SPATA22: variants seen among roughly 807,000 people sequenced by gnomAD.
SPATA22 encodes spermatogenesis associated 22.
In SPATA22, 29 loss-of-function variants were observed where a neutral mutation model predicts 47.8. That is an observed-to-expected ratio of 0.61 (90% CI 0.45 to 0.83). The LOEUF (loss-of-function observed/expected upper bound fraction) is 0.83, where lower values mean the gene tolerates loss of function less well. SPATA22 is among the 40% of genes least tolerant of loss of function. SPATA22 has a pLI of 0.00. For missense variants in SPATA22, 410 were observed against 421.7 expected, an observed-to-expected ratio of 0.97 and a Z score of 0.24; for synonymous variants, 133 against 140.9, an observed-to-expected ratio of 0.94 and a Z score of 0.40.
At chr17:3,450,102 C>T (rs957982192) in intron 5 of SPATA22, among the ~76,000 whole-genome samples, 4 of 152,158 alleles carry the variant, frequency 2.6e-5, no homozygotes, top group Non-Finnish European at 5.9e-5. Context: ...GATCCACCTC[C>T]TTGGCCTCCC....
chr17:3,462,411 G>A lies in SPATA22; in HGVS notation c.329+72C>T, dbSNP rs952196001. The stretch of plus-strand genomic sequence containing the variant: ...TCTGAGAAACAACGAAGTGAAGGAG[G>A]AGGGAAGAATGAAGAGGAAGACAGG... On this transcript the variant is annotated intron_variant, in intron 5 of 8. Transcript: ENST00000572969. 5 of 1,016,922 alleles carry A rather than the reference G, an allele frequency of 4.9e-6. No individual in the cohort carries two copies. The East Asian group carries it at 9.7e-5, about 20-fold the overall frequency. The allele number at this position is 1,016,922 out of a possible 1,614,324, so 63.0% of individuals were successfully genotyped here. A position where few individuals can be genotyped will look rare whatever the true frequency, so the allele number is the denominator to read the frequency against.
chr17:3,471,918 G>A (rs905087548), upstream of SPATA22: 7 of 955,830 alleles, frequency 7.3e-6, no homozygotes, highest in African/African-American at 1.1e-4. Flanking sequence ...GGCCGGGCGC[G>A]ATGACGTTAA....
At chr17:3,442,983 C>T (rs2072630602) in intron 8 of SPATA22, among the ~76,000 whole-genome samples, 191 bp downstream of exon 8, 1 of 151,916 alleles carries the variant, frequency 6.6e-6, no homozygotes, top group Admixed American at 6.6e-5. Flanking sequence ...TTATATCCCT[C>T]AAACCCAGCA....
At chr17:3,495,114 G>T (rs564941954) in intron 1 of SPATA22, among the ~76,000 whole-genome samples, 2 of 152,164 alleles carry the variant, frequency 1.3e-5, no homozygotes, top group East Asian at 3.9e-4. Flanking sequence ...GCTCTTGAGA[G>T]AATGTAGGAG....
At position 3,469,393 on chromosome 17, in the gene SPATA22, C is replaced by T; in HGVS notation, c.-68G>A. 1 of 1,236,920 alleles carries T rather than the reference C, an allele frequency of 8.1e-7. No homozygotes were observed. Among genetic ancestry groups the T allele is most frequent in the Non-Finnish European group, 1.1e-6 (1 of 886,520 alleles). 76.6% of individuals were successfully genotyped at this position (1,236,920 alleles called of 1,614,324 possible). A position where few individuals can be genotyped will look rare whatever the true frequency, so the allele number is the denominator to read the frequency against. ...AAATTTATAATATGACATTGTCCCACTAGACCTGCAAAGAAAGAAACTTAT... is the reference window on the plus strand; with the variant it reads ...AAATTTATAATATGACATTGTCCCATTAGACCTGCAAAGAAAGAAACTTAT... On this transcript the variant is annotated 5_prime_UTR_variant, in exon 2 of 9. The change creates a new upstream start codon in the 5' untranslated region. Coordinates refer to ENST00000572969, the MANE Select transcript of SPATA22 (RefSeq NM_001170698.2).
chr17:3,466,240 G>T (rs1333727438), intron 3 of SPATA22, among the ~76,000 whole-genome samples: 1 of 150,452 alleles, frequency 6.6e-6, no homozygotes, highest in African/African-American at 2.5e-5. Flanking sequence ...AGCTATATAA[G>T]ATCCTATTAA....
At chr17:3,494,312 T>C (rs1464279368) in intron 1 of SPATA22, 1 of 1,505,776 alleles carries the variant, frequency 6.6e-7, no homozygotes. Flanking sequence ...CCCAGAGATG[T>C]TTTTAGTTGC....
chr17:3,465,214 C>A (rs2073268812), intron 3 of SPATA22, among the ~76,000 whole-genome samples: 2 of 123,758 alleles, frequency 1.6e-5, no homozygotes, highest in African/African-American at 6.0e-5. Context: ...GGCGCCTCTG[C>A]CCGGCCGCCC....
At chr17:3,465,155 G>C (rs1171410052) in intron 3 of SPATA22, among the ~76,000 whole-genome samples, 1 of 75,692 alleles carries the variant, frequency 1.3e-5, no homozygotes, top group African/African-American at 4.9e-5. Flanking sequence ...GGAGGGAGGT[G>C]GGGGGGTCAG....
At chr17:3,459,935 A>T (rs2073088763) in intron 5 of SPATA22, among the ~76,000 whole-genome samples, 1 of 152,148 alleles carries the variant, frequency 6.6e-6, no homozygotes, top group African/African-American at 2.4e-5. Context: ...TGAATTACTG[A>T]CTTAAGTTAT....
At chr17:3,469,506 G>T (rs9895581) in intron 1 of SPATA22, 108 bp from the exon 2 acceptor site, 1 of 545,970 alleles carries the variant, frequency 1.8e-6, no homozygotes, top group Non-Finnish European at 3.2e-6. Flanking sequence ...ACCTGATCAC[G>T]TAAACACTTT....
chr17:3,501,589 G>A (rs1359708450), intron 1 of SPATA22: 2 of 163,238 alleles, frequency 1.2e-5, no homozygotes, highest in Admixed American at 6.4e-5. Context: ...AATGACAAAG[G>A]ATTTAGAATA....
chr17:3,512,021 AG>A (rs1380066940), intron 1 of SPATA22: 1 of 152,202 alleles, frequency 6.6e-6, no homozygotes, highest in Non-Finnish European at 1.5e-5. Flanking sequence ...CCAGGCTAAA[AG>A]GGACCTTAAA....
intron 1 of SPATA22, chr17:3,483,638 G>C: frequency 2.0e-6 from 3 of 1,497,344 alleles, no homozygotes; most frequent in Non-Finnish European, 2.8e-6. Context: ...ATATGTCCTA[G>C]CTGAAACTCA....
chr17:3,503,982 G>A (rs753127208), intron 1 of SPATA22, among the ~76,000 whole-genome samples: 2 of 151,690 alleles, frequency 1.3e-5, no homozygotes, highest in Middle Eastern at 3.4e-3. Flanking sequence ...CTCCCTCCCC[G>A]ACGCCTCCCT....
intron 5 of SPATA22, among the ~76,000 whole-genome samples, chr17:3,449,368 C>T (rs1393552058): frequency 6.6e-6 from 1 of 152,058 alleles, no homozygotes; most frequent in Non-Finnish European, 1.5e-5. Context: ...TTAACTTGTC[C>T]AAAGTCATAC....
At position 3,459,401 on chromosome 17, in the gene SPATA22, T is replaced by TC. The variant is rs1200938116; in HGVS notation, c.329+3081_329+3082insG. On this transcript the variant is annotated intron_variant, in intron 5 of 8. Coordinates refer to ENST00000572969, the MANE Select transcript of SPATA22 (RefSeq NM_001170698.2). ...GTTGTACACCTTAAATATATATAAT[T>TC]TTTTTTAAAAAATACTTTTTTTGAA... 4.6e-5 allele frequency among the ~76,000 whole-genome samples: 7 copies of TC among 152,168 alleles called. No homozygotes were observed. In the East Asian group the frequency reaches 1.3e-3, roughly 29 times the overall value.
chr17:3,483,462 G>C, intron 1 of SPATA22: 1 of 1,562,690 alleles, frequency 6.4e-7, no homozygotes, highest in Non-Finnish European at 8.8e-7. Context: ...AAAACATACG[G>C]TTTTTACCTA....
intron 1 of SPATA22, among the ~76,000 whole-genome samples, chr17:3,503,906 A>G (rs2074017730): frequency 6.6e-6 from 1 of 152,182 alleles, no homozygotes. Context: ...TGCTTAGCAC[A>G]GAATACATAC....
Sources: gnomAD v4.1 joint callset for allele counts (sites outside exome capture counted in the v4.1 genomes callset) on GRCh38, gnomAD v4.1.1 for gene constraint, MANE v1.5 for transcripts, NCBI Gene and HGNC (gene_info 2026-07-23, HGNC 2026-07-21) for gene names.